Variants in SPATA17 observed in about 807,000 individuals in gnomAD.
The protein encoded by SPATA17 is spermatogenesis-associated protein 17.
In SPATA17, 53 loss-of-function variants were observed where a neutral mutation model predicts 62.2. That is an observed-to-expected ratio of 0.85 (90% CI 0.68 to 1.07). The LOEUF (loss-of-function observed/expected upper bound fraction) is 1.07. Ranked by LOEUF, SPATA17 falls within the 50% of genes least tolerant of loss-of-function variation. The pLI is 0.00. For synonymous variants in SPATA17, 146 were observed against 146.8 expected, an observed-to-expected ratio of 0.99 and a Z score of 0.04; for missense variants, 466 against 425.5, an observed-to-expected ratio of 1.10 and a Z score of -0.84.
chr1:217,770,860 G>A (rs553042837), intron 6 of SPATA17, among the ~76,000 whole-genome samples: 4 of 151,568 alleles, frequency 2.6e-5, no homozygotes, highest in South Asian at 2.1e-4. Flanking sequence ...CAAATGGTAC[G>A]TTTGCTCGTT....
intron 5 of SPATA17, among the ~76,000 whole-genome samples, chr1:217,732,169 G>A (rs1672417989): frequency 6.6e-6 from 1 of 151,666 alleles, no homozygotes; most frequent in African/African-American, 2.4e-5. Context: ...ATTCCCTGTG[G>A]CATTCATATA....
At chr1:217,653,819 G>A (rs922727432) in intron 3 of SPATA17, among the ~76,000 whole-genome samples, 8 of 151,938 alleles carry the variant, frequency 5.3e-5, no homozygotes, top group Admixed American at 1.3e-4. Flanking sequence ...GTATACATAC[G>A]AAAAACCCAT....
At chr1:217,733,732 T>C (rs1672448090) in intron 5 of SPATA17, among the ~76,000 whole-genome samples, 4 of 152,242 alleles carry the variant, frequency 2.6e-5, no homozygotes, top group Admixed American at 2.6e-4. Context: ...GAAACTCTTC[T>C]ATACTGCAAC....
chr1:217,856,246 G>T (rs1675783258), intron 9 of SPATA17, among the ~76,000 whole-genome samples: 1 of 152,152 alleles, frequency 6.6e-6, no homozygotes, highest in South Asian at 2.1e-4. Flanking sequence ...TTAGAGAATA[G>T]CTAACACTTG....
At chr1:217,797,251 C>CTTTTTT (rs11360301) in intron 8 of SPATA17, among the ~76,000 whole-genome samples, 1 of 119,842 alleles carries the variant, frequency 8.3e-6, no homozygotes, top group Admixed American at 8.4e-5. Context: ...TTCTTTCTTT[C>CTTTTTT]TTTTTTTTTT....
intron 5 of SPATA17, among the ~76,000 whole-genome samples, chr1:217,688,528 A>AT (rs1671275512): frequency 6.6e-6 from 1 of 152,140 alleles, no homozygotes; most frequent in African/African-American, 2.4e-5. Context: ...CATGTCACAT[A>AT]TTTTAGACTG....
chr1:217,700,079 T>C (rs1445479828), intron 5 of SPATA17, among the ~76,000 whole-genome samples: 1 of 152,188 alleles, frequency 6.6e-6, no homozygotes, highest in Non-Finnish European at 1.5e-5. Flanking sequence ...ATAATAAACC[T>C]TAACGTTGGG....
intron 9 of SPATA17, among the ~76,000 whole-genome samples, chr1:217,805,078 G>A (rs923673979): frequency 6.6e-6 from 1 of 152,156 alleles, no homozygotes; most frequent in Non-Finnish European, 1.5e-5. Flanking sequence ...GATATCTGCA[G>A]CCCCATGTTT....
chr1:217,855,362 A>G (rs1227897655), intron 9 of SPATA17, among the ~76,000 whole-genome samples: 1 of 152,230 alleles, frequency 6.6e-6, no homozygotes, highest in Non-Finnish European at 1.5e-5. Flanking sequence ...CTAACAGGCT[A>G]CAGATCATTC....
chr1:217,696,372 A>T (rs1483630037), intron 5 of SPATA17, among the ~76,000 whole-genome samples: 1 of 152,130 alleles, frequency 6.6e-6, no homozygotes, highest in African/African-American at 2.4e-5. Context: ...GCGCGCACCC[A>T]CTGGCCTGCG....
chr1:217,700,742 A>G (rs1671576967), intron 5 of SPATA17, among the ~76,000 whole-genome samples: 3 of 148,046 alleles, frequency 2.0e-5, no homozygotes, highest in South Asian at 2.1e-4. Context: ...ATGCGCCGCC[A>G]TGGCTAATTT....
chr1:217,786,750 TTTCTTCTTCTTCTTCTTC>T (rs35648538), intron 8 of SPATA17, among the ~76,000 whole-genome samples: 33 of 107,436 alleles, frequency 3.1e-4, no homozygotes, highest in African/African-American at 1.0e-3. Context: ...TGATATTCTC[TTTCTTCTTCTTCTTCTTC>T]TTCTTCTTCT....
intron 5 of SPATA17, among the ~76,000 whole-genome samples, chr1:217,686,061 G>T (rs1409161879): frequency 6.6e-6 from 1 of 152,058 alleles, no homozygotes; most frequent in Admixed American, 6.6e-5. Flanking sequence ...GCAGTTTCAG[G>T]CAGCCACAAA....
chr1:217,784,602 A>C (rs2102978268), intron 8 of SPATA17, among the ~76,000 whole-genome samples: 1 of 152,270 alleles, frequency 6.6e-6, no homozygotes, highest in East Asian at 1.9e-4. Flanking sequence ...TTACCTTAAA[A>C]GGTTGTAATG....
Position 217,631,432 on chromosome 1 carries a change from C to G in SPATA17, c.54C>G (p.Tyr18Ter). ...GGTCGTCGACTGTAGGAAATCAGTA[C>G]TACTTTAGGAACAGGTAAGTCAGGA... ...QARSSTVGNQ[Y>*]YFRNSVVDPF... Residue 18 changes from tyrosine (Y) to a stop codon, truncating the protein, a stop_gained, in exon 1 of 11, where the codon TAC (tyrosine) becomes TAG (stop). Transcript: ENST00000366933. LOFTEE classifies it high-confidence loss of function. 6.2e-7 allele frequency: 1 copy of G among 1,614,130 alleles called. No homozygotes were observed. The highest frequency in any genetic ancestry group is 8.5e-7 in the Non-Finnish European group (1 of 1,180,018).
intron 9 of SPATA17, among the ~76,000 whole-genome samples, chr1:217,856,724 A>G (rs1391394095): frequency 6.6e-6 from 1 of 152,238 alleles, no homozygotes; most frequent in East Asian, 1.9e-4. Context: ...TCCTGAAAAC[A>G]GTGAACAGAA....
intron 6 of SPATA17, among the ~76,000 whole-genome samples, chr1:217,760,585 T>G (rs1558039347): frequency 6.6e-6 from 1 of 152,186 alleles, no homozygotes; most frequent in African/African-American, 2.4e-5. Context: ...CAACCATACT[T>G]GATGAAACCT....
intron 3 of SPATA17, among the ~76,000 whole-genome samples, chr1:217,667,310 G>A (rs552854317): frequency 6.6e-6 from 1 of 152,016 alleles, no homozygotes; most frequent in Non-Finnish European, 1.5e-5. Flanking sequence ...GCCTCCCAAA[G>A]TGCTGGGATT....
At chr1:217,808,635 C>T (rs749706086) in intron 9 of SPATA17, among the ~76,000 whole-genome samples, 6 of 152,032 alleles carry the variant, frequency 3.9e-5, no homozygotes, top group South Asian at 2.1e-4. Context: ...GGGCAGATCC[C>T]AAGGTCAAGA....
Sources: gnomAD v4.1 joint callset for allele counts (sites outside exome capture counted in the v4.1 genomes callset) on GRCh38, gnomAD v4.1.1 for gene constraint, MANE v1.5 for transcripts, NCBI Gene and HGNC (gene_info 2026-07-23, HGNC 2026-07-21) for gene names.